DNAH11: variants seen among roughly 807,000 people sequenced by gnomAD.
The protein encoded by DNAH11 is dynein axonemal heavy chain 11.
DNAH11 carries 442 observed loss-of-function variants against 526.0 expected under a neutral mutation model. The observed-to-expected ratio is 0.84, with a 90% CI of 0.78 to 0.91. The LOEUF (loss-of-function observed/expected upper bound fraction) is 0.91. Ranked by LOEUF, DNAH11 falls within the 40% of genes least tolerant of loss-of-function variation. DNAH11 has a pLI of 0.00. For missense variants in DNAH11, 6,989 were observed against 5,448.7 expected (o/e 1.28, Z -8.90); for synonymous variants, 2,461 against 1,935.9 (o/e 1.27, Z -7.12).
intron 6 of DNAH11, among the ~76,000 whole-genome samples, chr7:21,568,633 C>G (rs569891076): frequency 6.6e-6 from 1 of 152,222 alleles, no homozygotes; most frequent in Admixed American, 6.5e-5. Context: ...ACAGGAGGTT[C>G]TTTGTCTATG....
intron 65 of DNAH11, among the ~76,000 whole-genome samples, chr7:21,824,262 A>G (rs1790180337): frequency 6.6e-6 from 1 of 152,300 alleles, no homozygotes; most frequent in East Asian, 1.9e-4. Flanking sequence ...TTAGACATGT[A>G]TCTGCCATTC....
At chr7:21,816,790 C>G (rs1020187007) in intron 64 of DNAH11, 88 bp downstream of exon 64, 6 of 1,003,240 alleles carry the variant, frequency 6.0e-6, no homozygotes, top group Middle Eastern at 2.9e-4. Context: ...TCTTAGACCT[C>G]TCCACCACAT....
chr7:21,825,320 T>C (rs1328940079), intron 65 of DNAH11, among the ~76,000 whole-genome samples: 2 of 152,244 alleles, frequency 1.3e-5, no homozygotes, highest in Non-Finnish European at 2.9e-5. Context: ...CATCTACAGG[T>C]ACACACATTC....
In DNAH11 at chr7:21,682,663, G is replaced by T. The variant is rs139330970; in HGVS notation, c.5460+986G>T. 2.6e-5 allele frequency among the ~76,000 whole-genome samples: 4 copies of T among 152,086 alleles called. No homozygotes were observed. The East Asian group carries it at 5.8e-4, about 22-fold the overall frequency. ...AAGTCAGGAGTATGCTTGTCTACTGGGTTACGCTTGTTTGGTAGTATTAAA... is the reference window on the plus strand; with the variant it reads ...AAGTCAGGAGTATGCTTGTCTACTGTGTTACGCTTGTTTGGTAGTATTAAA... On this transcript the variant is annotated intron_variant, in intron 31 of 81. Coordinates refer to ENST00000409508, the MANE Select transcript of DNAH11 (RefSeq NM_001277115.2).
rs191672721 is a variant in DNAH11, at chr7:21,830,610, A to C, written c.10692-11934A>C. Among the ~76,000 whole-genome samples the C allele has an allele frequency of 2.0e-5, 3 of 152,176 alleles. No homozygotes were observed. The East Asian group carries it at 5.8e-4, about 29-fold the overall frequency. On this transcript the variant is annotated intron_variant, in intron 65 of 81. Transcript: ENST00000409508. ...TGAACTTTATACTAGGAGTCTAGAG[A>C]CCCAGGTTCTAGTCCCAGCTCTGCC...
intron 35 of DNAH11, among the ~76,000 whole-genome samples, chr7:21,697,350 G>T (rs1195610443): frequency 6.6e-6 from 1 of 152,110 alleles, no homozygotes; most frequent in Middle Eastern, 3.2e-3. Flanking sequence ...GTCTATCCCA[G>T]TTGGTCCTAG....
chr7:21,684,050 T>C (rs913252586), intron 32 of DNAH11, 106 bp downstream of exon 32: 12 of 1,202,424 alleles, frequency 1.0e-5, no homozygotes, highest in African/African-American at 6.1e-5. Context: ...CAATGAACTA[T>C]GTGAAAGTGG....
At chr7:21,865,889 C>T (rs942909572) in intron 70 of DNAH11, among the ~76,000 whole-genome samples, 1 of 152,104 alleles carries the variant, frequency 6.6e-6, no homozygotes, top group Non-Finnish European at 1.5e-5. Flanking sequence ...CCTTTTTAGA[C>T]TTTATAGGGT....
At chr7:21,792,008 C>T (rs1788499029) in intron 61 of DNAH11, among the ~76,000 whole-genome samples, 2 of 152,118 alleles carry the variant, frequency 1.3e-5, no homozygotes, top group African/African-American at 4.8e-5. Context: ...TCAACCATGG[C>T]AGAAAGCAAA....
intron 78 of DNAH11, 28 bp from the exon 79 acceptor site, chr7:21,894,856 A>T: frequency 1.2e-6 from 2 of 1,613,186 alleles, no homozygotes; most frequent in Non-Finnish European, 1.7e-6. Context: ...GAAGATATTC[A>T]CTGTGTGGCT....
rs1437350726 is a variant in DNAH11, at chr7:21,880,682, T to C, written c.12196-20T>C. Reference sequence around the variant, plus strand: ...AACCATACAGATGGATAATCAAGCATTTCTTCTCTTTTTTCCCAGGATACA... The same window carrying C: ...AACCATACAGATGGATAATCAAGCACTTCTTCTCTTTTTTCCCAGGATACA... On this transcript the variant is annotated intron_variant, in intron 74 of 81. Coordinates refer to ENST00000409508, the MANE Select transcript of DNAH11 (RefSeq NM_001277115.2). The C allele has an allele frequency of 1.2e-6, 2 of 1,612,672 alleles. No homozygotes were observed. The highest frequency in any genetic ancestry group is 2.2e-5 in the East Asian group (1 of 44,860).
At chr7:21,772,074 T>G (rs1252171280) in intron 55 of DNAH11, among the ~76,000 whole-genome samples, 8 of 152,164 alleles carry the variant, frequency 5.3e-5, no homozygotes, top group Non-Finnish European at 1.0e-4. Flanking sequence ...CTGGAACGAT[T>G]AGAGTTTTCT....
chr7:21,585,582 A>C (rs1784455220), intron 9 of DNAH11, among the ~76,000 whole-genome samples: 1 of 152,184 alleles, frequency 6.6e-6, no homozygotes, highest in South Asian at 2.1e-4. Context: ...CTCACCAAAA[A>C]CCAAAACCAA....
intron 62 of DNAH11, among the ~76,000 whole-genome samples, chr7:21,802,327 G>A (rs1789031220): frequency 1.3e-5 from 2 of 152,134 alleles, no homozygotes; most frequent in South Asian, 4.1e-4. Flanking sequence ...TAAAAAATAT[G>A]GACAGTAATA....
chr7:21,850,608 CTTTTTTTT>C (rs3062635), intron 66 of DNAH11, among the ~76,000 whole-genome samples: 73 of 62,696 alleles, frequency 1.2e-3, no homozygotes, highest in Middle Eastern at 0.026. Flanking sequence ...CTGTCTTCTT[CTTTTTTTT>C]TTTTTTTTTT....
Position 21,655,120 on chromosome 7 carries a change from T to C in DNAH11, c.4945-712T>C, listed in dbSNP as rs536216420. Among the ~76,000 whole-genome samples the C allele has an allele frequency of 4.6e-5, 7 of 151,594 alleles. No homozygotes were observed. The East Asian group carries it at 1.4e-3, about 30-fold the overall frequency. ...CCTGCATAGAGTTCAATGTGCTATT[T>C]ACTGGTTTTGTATTGGAGAACGCAA... On this transcript the variant is annotated intron_variant, in intron 28 of 81. Transcript: ENST00000409508.
chr7:21,752,159 T>G (rs1386535516), intron 54 of DNAH11, among the ~76,000 whole-genome samples: 1 of 152,264 alleles, frequency 6.6e-6, no homozygotes, highest in Non-Finnish European at 1.5e-5. Context: ...TTATAAATAG[T>G]GCTAGAATGA....
chr7:21,808,624 G>A (rs578089576), intron 63 of DNAH11, among the ~76,000 whole-genome samples: 1 of 152,206 alleles, frequency 6.6e-6, no homozygotes, highest in East Asian at 1.9e-4. Flanking sequence ...CCACATGTAA[G>A]AACATACGAT....
chr7:21,697,388 C>G (rs559730961), intron 35 of DNAH11, among the ~76,000 whole-genome samples: 1 of 152,156 alleles, frequency 6.6e-6, no homozygotes, highest in South Asian at 2.1e-4. Context: ...GTGGCTGGCA[C>G]AAGCTCTCAG....
Sources: allele counts gnomAD v4.1 joint callset (sites outside exome capture counted in the v4.1 genomes callset), GRCh38; gene constraint gnomAD v4.1.1; transcripts MANE v1.5; gene names NCBI Gene and HGNC (gene_info 2026-07-23, HGNC 2026-07-21).